TFAP2D: variants seen among roughly 807,000 people sequenced by gnomAD.
TFAP2D encodes transcription factor AP-2-delta.
Under a neutral mutation model 43.6 loss-of-function variants are expected in TFAP2D, and 9 were observed. The ratio of observed to expected loss-of-function variants is 0.21; its 90% CI spans 0.12 to 0.36. TFAP2D has a LOEUF of 0.36. Ranked by LOEUF, TFAP2D falls within the 10% of genes least tolerant of loss-of-function variation. The pLI, the probability that TFAP2D is intolerant of heterozygous loss-of-function variation, is 1.00. For missense variants in TFAP2D, 513 were observed against 561.4 expected (o/e 0.91, Z 0.87); for synonymous variants, 256 against 224.9 (o/e 1.14, Z -1.24).
chr6:50,772,092 G>A (rs950037940), intron 7 of TFAP2D, among the ~76,000 whole-genome samples: 4 of 152,104 alleles, frequency 2.6e-5, no homozygotes, highest in Admixed American at 2.0e-4. Context: ...GTCCTTTCTA[G>A]GGACATGGAT....
At chr6:50,722,551 C>T (rs1480001159) in intron 3 of TFAP2D, among the ~76,000 whole-genome samples, 1 of 151,830 alleles carries the variant, frequency 6.6e-6, no homozygotes, top group Admixed American at 6.6e-5. Context: ...CCCTTATGGC[C>T]GCCTCCCCTT....
At chr6:50,746,889 T>C (rs1769131753) in intron 6 of TFAP2D, among the ~76,000 whole-genome samples, 1 of 152,108 alleles carries the variant, frequency 6.6e-6, no homozygotes, top group Non-Finnish European at 1.5e-5. Flanking sequence ...TATCTCATCT[T>C]GTCCCAAAGA....
chr6:50,772,393 A>AAT (rs560903272), intron 7 of TFAP2D, among the ~76,000 whole-genome samples: 1 of 152,044 alleles, frequency 6.6e-6, no homozygotes, highest in Admixed American at 6.6e-5. Flanking sequence ...AGTATAATAA[A>AAT]ATATATATAT....
At chr6:50,753,059 T>C (rs1033922365) in intron 7 of TFAP2D, among the ~76,000 whole-genome samples, 1 of 152,046 alleles carries the variant, frequency 6.6e-6, no homozygotes, top group Non-Finnish European at 1.5e-5. Context: ...CAGCATTACA[T>C]CTACACAAAT....
At chr6:50,770,648 C>T (rs1214812723) in intron 7 of TFAP2D, among the ~76,000 whole-genome samples, 1 of 152,106 alleles carries the variant, frequency 6.6e-6, no homozygotes, top group African/African-American at 2.4e-5. Flanking sequence ...ACTATTACCT[C>T]CACTGAGGCA....
chr6:50,715,661 T>C, intron 2 of TFAP2D, 48 bp downstream of exon 2: 2 of 1,526,192 alleles, frequency 1.3e-6, no homozygotes, highest in Non-Finnish European at 8.8e-7. Flanking sequence ...CTCTTCGCCC[T>C]CCCCCTGCCG....
At chr6:50,772,584 G>C (rs962747426) in intron 7 of TFAP2D, 61 bp from the exon 8 acceptor site, 3 of 1,412,302 alleles carry the variant, frequency 2.1e-6, no homozygotes, top group African/African-American at 2.8e-5. Flanking sequence ...GGAGAGATTT[G>C]CTATTTCACA....
chr6:50,728,730 G>A lies in TFAP2D; in HGVS notation c.599-126G>A, dbSNP rs540872814. 5.8e-5 allele frequency: 49 copies of A among 849,670 alleles called. 1 individual carries two copies. The South Asian group carries it at 6.5e-4, about 11-fold the overall frequency. 52.6% of individuals were successfully genotyped at this position (849,670 alleles called of 1,614,324 possible). A position where few individuals can be genotyped will look rare whatever the true frequency, so the allele number is the denominator to read the frequency against. ...GAGCAGCTCCCTGCGATGATCTGGG[G>A]GATATATAAGTACAACTGTTAGCAT... is the stretch of plus-strand genomic sequence containing the variant. On this transcript the variant is annotated intron_variant, in intron 3 of 7. Coordinates refer to ENST00000008391, the MANE Select transcript of TFAP2D (RefSeq NM_172238.4).
intron 1 of TFAP2D, 67 bp downstream of exon 1, chr6:50,714,161 C>G (rs183221601): frequency 6.6e-7 from 1 of 1,522,926 alleles, no homozygotes; most frequent in African/African-American, 1.5e-5. Context: ...GCGGTGGCGG[C>G]GGTGGCGGCG....
chr6:50,713,851 G>A lies in TFAP2D; in HGVS notation c.-205G>A, dbSNP rs759159228. 7.3e-4 allele frequency: 501 copies of A among 682,696 alleles called. No homozygotes were observed. The highest frequency in any genetic ancestry group is 1.1e-3 in the Non-Finnish European group (460 of 412,316). 42.3% of individuals were successfully genotyped at this position (682,696 alleles called of 1,614,324 possible). A position where few individuals can be genotyped will look rare whatever the true frequency, so the allele number is the denominator to read the frequency against. ...CCAGGGAGCTGCTTTTGTGCAGAGG[G>A]AAAATTTTGTTCCTACAGGTTTTTA... On this transcript the variant is annotated 5_prime_UTR_variant, in exon 1 of 8. Transcript: ENST00000008391.
intron 6 of TFAP2D, among the ~76,000 whole-genome samples, chr6:50,748,621 A>C (rs1360314776): frequency 6.6e-6 from 1 of 151,946 alleles, no homozygotes; most frequent in Non-Finnish European, 1.5e-5. Context: ...TGTGTAATTT[A>C]GACATTTATT....
At chr6:50,724,827 A>G (rs1173977276) in intron 3 of TFAP2D, among the ~76,000 whole-genome samples, 1 of 151,860 alleles carries the variant, frequency 6.6e-6, no homozygotes, top group Non-Finnish European at 1.5e-5. Flanking sequence ...CACACCCTGC[A>G]ACGGGGTAGT....
intron 3 of TFAP2D, among the ~76,000 whole-genome samples, chr6:50,726,292 G>A (rs1356903535): frequency 1.3e-5 from 2 of 152,136 alleles, no homozygotes; most frequent in Non-Finnish European, 2.9e-5. Context: ...CCTAAATTAG[G>A]TTTCTAATCC....
At chr6:50,743,936 A>G (rs1214238378) in intron 5 of TFAP2D, among the ~76,000 whole-genome samples, 1 of 152,200 alleles carries the variant, frequency 6.6e-6, no homozygotes, top group African/African-American at 2.4e-5. Context: ...TCCTGGAGAC[A>G]GGCAATCTTT....
At chr6:50,755,982 T>C (rs1325086004) in intron 7 of TFAP2D, among the ~76,000 whole-genome samples, 1 of 151,890 alleles carries the variant, frequency 6.6e-6, no homozygotes, top group Non-Finnish European at 1.5e-5. Flanking sequence ...CTTCCTGGAC[T>C]CAGGTGATTC....
rs763814703 is a variant in TFAP2D at position 50,745,092 on chromosome 6, G to T, written c.884-15G>T. The T allele has an allele frequency of 2.5e-6, 4 of 1,612,950 alleles. No homozygotes were observed. In the East Asian group the frequency reaches 6.7e-5, roughly 27 times the overall value. On this transcript the variant is annotated splice_polypyrimidine_tract_variant and intron_variant, in intron 5 of 7. Coordinates refer to ENST00000008391, the MANE Select transcript of TFAP2D (RefSeq NM_172238.4). Reference sequence around the variant, plus strand: ...GGATACTGGTGAGAAACTCACTTGTGTTATCTGCCAACAGGGGAGGCTTTG... The same window carrying T: ...GGATACTGGTGAGAAACTCACTTGTTTTATCTGCCAACAGGGGAGGCTTTG...
chr6:50,737,796 T>C (rs563284823), intron 5 of TFAP2D, among the ~76,000 whole-genome samples: 1 of 152,284 alleles, frequency 6.6e-6, no homozygotes, highest in Admixed American at 6.5e-5. Flanking sequence ...TACAATTTAT[T>C]TAACCAGTCC....
chr6:50,718,530 A>G (rs1169152183), intron 2 of TFAP2D, among the ~76,000 whole-genome samples: 1 of 152,334 alleles, frequency 6.6e-6, no homozygotes, highest in South Asian at 2.1e-4. Context: ...TCCTCAATCC[A>G]TTAGGACTTT....
chr6:50,740,673 G>A lies in TFAP2D; in HGVS notation c.884-4434G>A, dbSNP rs375380087. Reference sequence around the variant, plus strand: ...AGGCTGGTCTTAAACTCCTGACCTCGTGATCCACTGGGCTTGGCCTCCCAA... The same window carrying A: ...AGGCTGGTCTTAAACTCCTGACCTCATGATCCACTGGGCTTGGCCTCCCAA... On this transcript the variant is annotated intron_variant, in intron 5 of 7. Transcript: ENST00000008391. 4.6e-5 allele frequency among the ~76,000 whole-genome samples: 7 copies of A among 152,176 alleles called. No individual in the cohort carries two copies. In the East Asian group the frequency reaches 5.8e-4, roughly 13 times the overall value.
Sources: gnomAD v4.1 joint callset for allele counts (sites outside exome capture counted in the v4.1 genomes callset) on GRCh38, gnomAD v4.1.1 for gene constraint, MANE v1.5 for transcripts, NCBI Gene and HGNC (gene_info 2026-07-23, HGNC 2026-07-21) for gene names.